PCMT1: variants seen among roughly 807,000 people sequenced by gnomAD.
The protein encoded by PCMT1 is protein-L-isoaspartate(D-aspartate) O-methyltransferase.
Under a neutral mutation model 29.2 loss-of-function variants are expected in PCMT1, and 9 were observed. That is an observed-to-expected ratio of 0.31 (90% confidence interval 0.19 to 0.54). PCMT1 has a LOEUF of 0.54. Among genes scored for constraint, PCMT1 ranks in the 20% least tolerant of loss-of-function variants. The probability of loss-of-function intolerance (pLI) is 0.95; values close to 1 mark genes in which losing one functional copy is unlikely to be tolerated. For missense variants in PCMT1, 184 were observed against 282.2 expected (o/e 0.65, Z 2.49); for synonymous variants, 98 against 97.5 (o/e 1.00, Z -0.03).
intron 3 of PCMT1, among the ~76,000 whole-genome samples, chr6:149,787,505 A>G (rs1449933437): frequency 1.3e-5 from 2 of 151,572 alleles, no homozygotes; most frequent in Non-Finnish European, 2.9e-5. Flanking sequence ...AGCTGGGATT[A>G]CAGCCGCCAC....
intron 1 of PCMT1, among the ~76,000 whole-genome samples, chr6:149,761,613 T>C (rs2115215552): frequency 6.6e-6 from 1 of 152,262 alleles, no homozygotes; most frequent in East Asian, 1.9e-4. Context: ...AGTTATATCA[T>C]AGTTTTTGGT....
intron 1 of PCMT1, among the ~76,000 whole-genome samples, chr6:149,762,260 T>A (rs1461045564): frequency 6.6e-6 from 1 of 151,824 alleles, no homozygotes; most frequent in African/African-American, 2.4e-5. Context: ...GAATCCTGTT[T>A]TCATTTGGAT....
chr6:149,782,694 G>A (rs747453789), intron 3 of PCMT1, among the ~76,000 whole-genome samples: 9 of 151,958 alleles, frequency 5.9e-5, no homozygotes. Context: ...CAAGAATAAT[G>A]ATGGTAACAG....
intron 1 of PCMT1, among the ~76,000 whole-genome samples, chr6:149,768,318 C>T (rs577297994): frequency 1.5e-4 from 23 of 152,054 alleles, no homozygotes; most frequent in Non-Finnish European, 2.9e-4. Context: ...TCTTGAGCTC[C>T]TAGGCTTAAG....
chr6:149,753,601 G>C (rs1786413325), intron 1 of PCMT1, among the ~76,000 whole-genome samples: 1 of 152,182 alleles, frequency 6.6e-6, no homozygotes, highest in Non-Finnish European at 1.5e-5. Context: ...AAAGTGCTGG[G>C]ATTACAGGCA....
At chr6:149,771,374 A>G in intron 2 of PCMT1, 108 bp downstream of exon 2, 2 of 576,154 alleles carry the variant, frequency 3.5e-6, no homozygotes, top group Non-Finnish European at 5.9e-6. Flanking sequence ...TACCTTCTTA[A>G]TTTGAATTTT....
chr6:149,794,728 C>G (rs1788529938), intron 5 of PCMT1: 1 of 445,192 alleles, frequency 2.2e-6, no homozygotes, highest in Admixed American at 2.4e-5. Context: ...TTGGCCTTTG[C>G]CCTGATCCTG....
chr6:149,791,356 C>T (rs145223944), intron 4 of PCMT1, among the ~76,000 whole-genome samples: 1 of 152,336 alleles, frequency 6.6e-6, no homozygotes, highest in Non-Finnish European at 1.5e-5. Context: ...TGCCTTTTCT[C>T]ATCAGAGTCT....
At chr6:149,761,178 T>TACACACAC (rs77058597) in intron 1 of PCMT1, among the ~76,000 whole-genome samples, 2 of 148,752 alleles carry the variant, frequency 1.3e-5, no homozygotes, top group African/African-American at 4.9e-5. Flanking sequence ...AAACATGAAA[T>TACACACAC]ACACACACAC....
At chr6:149,779,612 C>G (rs1787729636) in intron 3 of PCMT1, among the ~76,000 whole-genome samples, 5 of 152,108 alleles carry the variant, frequency 3.3e-5, no homozygotes, top group Admixed American at 3.3e-4. Context: ...GAGTTCGAGA[C>G]CAGCCTGGCC....
intron 6 of PCMT1, chr6:149,796,710 C>T: frequency 2.3e-6 from 1 of 426,276 alleles, no homozygotes; most frequent in Non-Finnish European, 4.1e-6. Flanking sequence ...TTGTGGCGCT[C>T]ATATTTGATC....
At chr6:149,765,650 T>C (rs886306098) in intron 1 of PCMT1, 1 of 375,942 alleles carries the variant, frequency 2.7e-6, no homozygotes, top group Non-Finnish European at 5.1e-6. Flanking sequence ...ATTGACCTTA[T>C]TTTTTTATTT....
chr6:149,807,106 G>A (rs1468498244), intron 7 of PCMT1, among the ~76,000 whole-genome samples: 2 of 152,232 alleles, frequency 1.3e-5, no homozygotes, highest in East Asian at 3.9e-4. Flanking sequence ...ACCAAGTAAA[G>A]ATCCAAACTT....
chr6:149,789,383 A>T (rs753046504), intron 3 of PCMT1, among the ~76,000 whole-genome samples: 7 of 151,734 alleles, frequency 4.6e-5, no homozygotes, highest in Non-Finnish European at 1.0e-4. Flanking sequence ...GCCTGATCTG[A>T]TTATTTTTAA....
chr6:149,771,272 CT>C lies in PCMT1; in HGVS notation c.160+9del. 2 of 1,492,052 alleles carry C rather than the reference CT, an allele frequency of 1.3e-6. No homozygotes were observed. Among genetic ancestry groups the C allele is most frequent in the Non-Finnish European group, 1.9e-6 (2 of 1,075,676 alleles). 92.4% of individuals were successfully genotyped at this position (1,492,052 alleles called of 1,614,324 possible). ...GGATTCTCCACAATCAATAGGTAAG[CT>C]TTAGATTTCTGAAAATATCATAGTT... On this transcript the variant is annotated splice_region_variant and intron_variant, in intron 2 of 7. Transcript: ENST00000464889.
At chr6:149,786,762 C>A (rs1788113696) in intron 3 of PCMT1, among the ~76,000 whole-genome samples, 1 of 150,166 alleles carries the variant, frequency 6.7e-6, no homozygotes, top group Non-Finnish European at 1.5e-5. Context: ...CGATGGGCGG[C>A]TGAGCAGAGA....
At chr6:149,801,038 G>A (rs1775810192) in intron 6 of PCMT1, among the ~76,000 whole-genome samples, 2 of 152,228 alleles carry the variant, frequency 1.3e-5, no homozygotes, top group South Asian at 2.1e-4. Flanking sequence ...TTTAATAGAG[G>A]AGGCTGATAG....
At chr6:149,790,730 C>T (rs1371133442) in intron 4 of PCMT1, among the ~76,000 whole-genome samples, 1 of 151,892 alleles carries the variant, frequency 6.6e-6, no homozygotes, top group Admixed American at 6.6e-5. Flanking sequence ...ACTGAGGGAC[C>T]AGACGCGGTG....
rs1225707949 is a variant in PCMT1 at position 149,749,743 on chromosome 6, A to T, written c.-159A>T. On this transcript the variant is annotated 5_prime_UTR_variant, in exon 1 of 8. Transcript: ENST00000464889. ...GCCGCGGGGGATGCCGGGAGCGCGC[A>T]GTGGCGGCAGCGGCGGCGACGGCAG... 1.3e-6 allele frequency: 2 copies of T among 1,546,014 alleles called. No homozygotes were observed. The highest frequency in any genetic ancestry group is 2.4e-5 in the South Asian group (2 of 83,824).
Sources: allele counts gnomAD v4.1 joint callset (sites outside exome capture counted in the v4.1 genomes callset), GRCh38; gene constraint gnomAD v4.1.1; transcripts MANE v1.5; gene names NCBI Gene and HGNC (gene_info 2026-07-23, HGNC 2026-07-21).